NELL2: variants seen among roughly 807,000 people sequenced by gnomAD.
NELL2 encodes the protein protein kinase C-binding protein NELL2.
Under a neutral mutation model 109.6 loss-of-function variants are expected in NELL2, and 41 were observed. The observed-to-expected ratio is 0.37, with a 90% CI of 0.29 to 0.49. The LOEUF is 0.49. Ranked by LOEUF, NELL2 falls within the 20% of genes least tolerant of loss-of-function variation. The pLI is 0.98. For missense variants in NELL2, 900 were observed against 1,008.3 expected, an observed-to-expected ratio of 0.89 and a Z score of 1.45; for synonymous variants, 355 against 344.7, an observed-to-expected ratio of 1.03 and a Z score of -0.33.
intron 9 of NELL2, among the ~76,000 whole-genome samples, chr12:44,759,215 T>C (rs749447344): frequency 1.3e-4 from 20 of 152,218 alleles, no homozygotes; most frequent in Non-Finnish European, 2.2e-4. Flanking sequence ...TCACAGGGTA[T>C]TAAAAAACTG....
chr12:44,692,756 G>A (rs1948939532), intron 12 of NELL2, among the ~76,000 whole-genome samples: 1 of 152,180 alleles, frequency 6.6e-6, no homozygotes. Context: ...AGCTGCAGAT[G>A]TAGTGGAAAT....
At position 44,610,871 on chromosome 12, in the gene NELL2, G is replaced by A. The variant is rs767051514; in HGVS notation, c.1544C>T (p.Thr515Ile). 8 of 1,612,982 alleles carry A rather than the reference G, an allele frequency of 5.0e-6. No individual in the cohort carries two copies. The African/African-American group carries it at 9.4e-5, about 19-fold the overall frequency. The change falls in exon 14 of 20, where the codon ACA (threonine) becomes ATA (isoleucine). Residue 515 changes from threonine to isoleucine, a missense_variant. By Grantham distance (89) the Thr-to-Ile change is moderately conservative (BLOSUM62 -1). Coordinates refer to ENST00000429094, the MANE Select transcript of NELL2 (RefSeq NM_001145108.2). Reference sequence around the variant, plus strand: ...ACCTTTGCATGTCGTTCCATTCCCTGTATAGCCCGGCTTGCAAACACAGTT... The same window carrying A: ...ACCTTTGCATGTCGTTCCATTCCCTATATAGCCCGGCTTGCAAACACAGTT... ...GHNCVCKPGY[T>I]GNGTTCKAFC...
chr12:44,600,236 C>T (rs868219871), intron 15 of NELL2, among the ~76,000 whole-genome samples: 23 of 150,328 alleles, frequency 1.5e-4, no homozygotes, highest in African/African-American at 5.6e-4. Flanking sequence ...GTCTGGATCT[C>T]CGGACCTCGT....
intron 2 of NELL2, among the ~76,000 whole-genome samples, chr12:44,848,919 C>T (rs1944452338): frequency 6.6e-6 from 1 of 152,148 alleles, no homozygotes; most frequent in Admixed American, 6.5e-5. Context: ...CCTTTCCTTC[C>T]CACTCACCCA....
At chr12:44,538,752 T>A (rs1220357487) in intron 15 of NELL2, among the ~76,000 whole-genome samples, 1 of 152,194 alleles carries the variant, frequency 6.6e-6, no homozygotes, top group Admixed American at 6.5e-5. Flanking sequence ...TAAATGCTTA[T>A]CTTTGGTCAA....
intron 15 of NELL2, among the ~76,000 whole-genome samples, chr12:44,547,847 A>G (rs1410618741): frequency 6.6e-6 from 1 of 152,102 alleles, no homozygotes; most frequent in African/African-American, 2.4e-5. Flanking sequence ...TCTGGAATAC[A>G]CATTCCCTTC....
At chr12:44,762,642 A>G (rs1432287369) in intron 9 of NELL2, among the ~76,000 whole-genome samples, 1 of 152,176 alleles carries the variant, frequency 6.6e-6, no homozygotes, top group African/African-American at 2.4e-5. Flanking sequence ...GCCACCTTTC[A>G]CAACATGACA....
chr12:44,609,461 G>T (rs1450370523), intron 14 of NELL2, among the ~76,000 whole-genome samples: 2 of 151,990 alleles, frequency 1.3e-5, no homozygotes, highest in African/African-American at 4.8e-5. Context: ...CTTAAGAATT[G>T]TTTATTTCTA....
chr12:44,767,470 G>A (rs1941381189), intron 9 of NELL2, among the ~76,000 whole-genome samples: 1 of 152,110 alleles, frequency 6.6e-6, no homozygotes, highest in Admixed American at 6.6e-5. Flanking sequence ...TTTGGCAAAA[G>A]CTGGCAATAT....
At chr12:44,870,909 A>G (rs1007486246) in intron 2 of NELL2, among the ~76,000 whole-genome samples, 3 of 152,212 alleles carry the variant, frequency 2.0e-5, no homozygotes, top group Admixed American at 2.0e-4. Flanking sequence ...ATGCAGGACC[A>G]TTATTCTGCC....
At chr12:44,871,578 A>T (rs1945162747) in intron 2 of NELL2, among the ~76,000 whole-genome samples, 2 of 152,180 alleles carry the variant, frequency 1.3e-5, no homozygotes, top group South Asian at 4.1e-4. Context: ...TCTCTTAAAC[A>T]CTGTGTTATT....
At position 44,694,273 on chromosome 12, in the gene NELL2, G is replaced by A. The variant is rs187759688; in HGVS notation, c.1318+9453C>T. 2.6e-3 allele frequency among the ~76,000 whole-genome samples: 397 copies of A among 152,154 alleles called. 3 individuals are homozygous for A. The highest frequency in any genetic ancestry group is 8.7e-3 in the African/African-American group (359 of 41,490). On this transcript the variant is annotated intron_variant, in intron 12 of 19. Coordinates refer to ENST00000429094, the MANE Select transcript of NELL2 (RefSeq NM_001145108.2). ...ATAGAACAAAAAGACTGAGTAAGAG[G>A]GAAATTTCATCTGCCTGAGTCCTTG...
chr12:44,605,399 A>C (rs1945363088), intron 15 of NELL2, among the ~76,000 whole-genome samples: 1 of 152,158 alleles, frequency 6.6e-6, no homozygotes, highest in African/African-American at 2.4e-5. Flanking sequence ...AGTACAACTA[A>C]ATTTTGAGTC....
At chr12:44,816,250 A>ACT in intron 2 of NELL2, 114 bp from the exon 3 acceptor site, 2 of 840,426 alleles carry the variant, frequency 2.4e-6, no homozygotes, top group Non-Finnish European at 3.6e-6. Flanking sequence ...CAGCTGATAA[A>ACT]TACTGAGTTT....
chr12:44,729,190 A>T lies in NELL2; in HGVS notation c.995-14449T>A, dbSNP rs535075152. ...ATAAAAATATGTTAATGGACATGCC[A>T]CCTAAAAATGGTAATTTGTGACATC... is the stretch of plus-strand genomic sequence containing the variant. On this transcript the variant is annotated intron_variant, in intron 9 of 19. Transcript: ENST00000429094. 5.9e-5 allele frequency among the ~76,000 whole-genome samples: 9 copies of T among 152,270 alleles called. No homozygotes were observed. The South Asian group carries it at 1.7e-3, about 28-fold the overall frequency.
intron 3 of NELL2, among the ~76,000 whole-genome samples, chr12:44,812,733 A>G (rs1340916262): frequency 6.6e-6 from 1 of 152,206 alleles, no homozygotes; most frequent in Non-Finnish European, 1.5e-5. Context: ...AGAAGGCAAT[A>G]TCACAGGGCA....
At chr12:44,698,332 G>GT (rs1272558372) in intron 12 of NELL2, among the ~76,000 whole-genome samples, 1 of 152,178 alleles carries the variant, frequency 6.6e-6, no homozygotes, top group Non-Finnish European at 1.5e-5. Context: ...TATGGTAGGT[G>GT]ACCTGCTCAG....
intron 13 of NELL2, among the ~76,000 whole-genome samples, chr12:44,623,446 T>C (rs1034153437): frequency 2.6e-5 from 4 of 152,154 alleles, no homozygotes; most frequent in African/African-American, 9.7e-5. Context: ...GATATTCTCT[T>C]TTGATAATGT....
At chr12:44,848,167 T>G (rs1944429689) in intron 2 of NELL2, among the ~76,000 whole-genome samples, 1 of 152,098 alleles carries the variant, frequency 6.6e-6, no homozygotes, top group African/African-American at 2.4e-5. Flanking sequence ...GCAGCAGTGT[T>G]AAGGCTAAGG....
Sources: gnomAD v4.1 joint callset for allele counts (sites outside exome capture counted in the v4.1 genomes callset) on GRCh38, gnomAD v4.1.1 for gene constraint, MANE v1.5 for transcripts, NCBI Gene and HGNC (gene_info 2026-07-23, HGNC 2026-07-21) for gene names.